Variants in LRRC4C observed in about 807,000 individuals in gnomAD.
LRRC4C encodes the protein leucine-rich repeat-containing protein 4C.
In LRRC4C, 5 loss-of-function variants were observed where a neutral mutation model predicts 33.6. That is an observed-to-expected ratio of 0.15 (90% CI 0.08 to 0.31). The LOEUF is 0.31. LRRC4C is among the 10% of genes least tolerant of loss of function. The pLI, the probability that LRRC4C is intolerant of heterozygous loss-of-function variation, is 1.00. For synonymous variants in LRRC4C, 329 were observed against 302.0 expected (o/e 1.09, Z -0.93); for missense variants, 560 against 796.7 (o/e 0.70, Z 3.58).
At chr11:41,091,350 C>A (rs1940403625) in intron 1 of LRRC4C, among the ~76,000 whole-genome samples, 1 of 151,922 alleles carries the variant, frequency 6.6e-6, no homozygotes, top group African/African-American at 2.4e-5. Flanking sequence ...TAAGAAGAAT[C>A]ACCTTTAGGT....
At chr11:40,809,736 C>G (rs1951406702) in intron 2 of LRRC4C, among the ~76,000 whole-genome samples, 1 of 152,156 alleles carries the variant, frequency 6.6e-6, no homozygotes, top group Non-Finnish European at 1.5e-5. Context: ...AATTTATTGT[C>G]TCTATATTGC....
intron 4 of LRRC4C, among the ~76,000 whole-genome samples, chr11:40,284,253 A>C (rs1943683726): frequency 6.6e-6 from 1 of 152,186 alleles, no homozygotes; most frequent in Admixed American, 6.5e-5. Flanking sequence ...CTAGGCTGGC[A>C]TGTCCCCAGA....
chr11:41,405,782 G>A (rs920119886), intron 1 of LRRC4C, among the ~76,000 whole-genome samples: 1 of 152,138 alleles, frequency 6.6e-6, no homozygotes, highest in South Asian at 2.1e-4. Context: ...GATGCTTTAA[G>A]TTATTGTATT....
intron 1 of LRRC4C, among the ~76,000 whole-genome samples, chr11:41,350,634 A>G (rs946661761): frequency 6.6e-6 from 1 of 152,148 alleles, no homozygotes; most frequent in African/African-American, 2.4e-5. Flanking sequence ...TCTTAACCAG[A>G]CTGAAATGGT....
At chr11:40,153,258 G>T (rs1858375854) in intron 5 of LRRC4C, among the ~76,000 whole-genome samples, 1 of 152,096 alleles carries the variant, frequency 6.6e-6, no homozygotes, top group African/African-American at 2.4e-5. Flanking sequence ...TATATCAAGG[G>T]AACACCCCAT....
chr11:40,727,631 G>A (rs1250991727), intron 2 of LRRC4C, among the ~76,000 whole-genome samples: 3 of 152,072 alleles, frequency 2.0e-5, no homozygotes, highest in Non-Finnish European at 4.4e-5. Flanking sequence ...TATAAAATGG[G>A]AGGATATATT....
chr11:40,205,025 G>A (rs866173423), intron 5 of LRRC4C, among the ~76,000 whole-genome samples: 3 of 152,166 alleles, frequency 2.0e-5, no homozygotes, highest in Admixed American at 6.5e-5. Flanking sequence ...CTACCCTTGG[G>A]GTCTGTATAG....
At chr11:40,787,262 G>C (rs572322886) in intron 2 of LRRC4C, among the ~76,000 whole-genome samples, 2 of 116,528 alleles carry the variant, frequency 1.7e-5, no homozygotes, top group South Asian at 2.3e-4. Context: ...ATTGCCAACT[G>C]GGGGGGGTAG....
intron 3 of LRRC4C, among the ~76,000 whole-genome samples, chr11:40,528,203 T>A (rs549832500): frequency 3.9e-5 from 6 of 152,080 alleles, no homozygotes; most frequent in African/African-American, 1.4e-4. Context: ...ACTAAAAAGC[T>A]CTGCACAGTA....
At chr11:40,967,624 G>A (rs1851453858) in intron 1 of LRRC4C, among the ~76,000 whole-genome samples, 2 of 151,808 alleles carry the variant, frequency 1.3e-5, no homozygotes, top group Non-Finnish European at 2.9e-5. Flanking sequence ...TATGGTCAGT[G>A]ATTTCTGATG....
At chr11:40,448,187 A>G (rs897862927) in intron 3 of LRRC4C, among the ~76,000 whole-genome samples, 1 of 152,192 alleles carries the variant, frequency 6.6e-6, no homozygotes, top group South Asian at 2.1e-4. Flanking sequence ...ATGCCTCTAG[A>G]TAAATTCATG....
chr11:41,219,569 G>A (rs577625468), intron 1 of LRRC4C, among the ~76,000 whole-genome samples: 3 of 152,136 alleles, frequency 2.0e-5, no homozygotes, highest in Non-Finnish European at 4.4e-5. Flanking sequence ...ATTTTCTATC[G>A]CCTGAAGGAA....
rs528220821 is a variant in LRRC4C at position 40,519,417 on chromosome 11, C to G, written c.-270+128725G>C. ...AAGTATAAGTTTAAATAAACTTTAC[C>G]AAAGACACAATGATTTCTTCTTAGG... On this transcript the variant is annotated intron_variant, in intron 3 of 6. Coordinates refer to ENST00000528697, the MANE Select transcript of LRRC4C (RefSeq NM_001258419.2). 3.3e-5 allele frequency among the ~76,000 whole-genome samples: 5 copies of G among 151,976 alleles called. No individual in the cohort carries two copies. In the South Asian group the frequency reaches 1.0e-3, roughly 32 times the overall value.
At chr11:41,262,416 A>AT (rs1231358102) in intron 1 of LRRC4C, among the ~76,000 whole-genome samples, 1 of 151,272 alleles carries the variant, frequency 6.6e-6, no homozygotes, top group African/African-American at 2.4e-5. Context: ...TTAAAAAAAA[A>AT]AAAAATAGAA....
chr11:41,364,428 A>G (rs1952463103), intron 1 of LRRC4C, among the ~76,000 whole-genome samples: 1 of 152,030 alleles, frequency 6.6e-6, no homozygotes, highest in Non-Finnish European at 1.5e-5. Context: ...ATAGGCACGC[A>G]CCACCACGCC....
chr11:40,357,750 C>T (rs1008942251), intron 3 of LRRC4C, among the ~76,000 whole-genome samples: 1 of 152,090 alleles, frequency 6.6e-6, no homozygotes, highest in African/African-American at 2.4e-5. Context: ...GCCTGCCCAT[C>T]CAGTTCTACA....
At chr11:41,447,603 T>C (rs1319663848) in intron 1 of LRRC4C, among the ~76,000 whole-genome samples, 3 of 152,148 alleles carry the variant, frequency 2.0e-5, no homozygotes, top group African/African-American at 7.2e-5. Context: ...ACTTAGTAGG[T>C]AAAAGTACCG....
chr11:40,619,190 A>G (rs181157934), intron 3 of LRRC4C, among the ~76,000 whole-genome samples: 14 of 151,894 alleles, frequency 9.2e-5, no homozygotes, highest in African/African-American at 3.4e-4. Flanking sequence ...ACAAAAATAT[A>G]AAGAATGAAT....
At chr11:41,089,676 A>C (rs540923278) in intron 1 of LRRC4C, among the ~76,000 whole-genome samples, 10 of 152,172 alleles carry the variant, frequency 6.6e-5, no homozygotes, top group Admixed American at 3.3e-4. Flanking sequence ...ACAGAGTTGA[A>C]TATCTCCCAG....
Sources: gnomAD v4.1 joint callset for allele counts (sites outside exome capture counted in the v4.1 genomes callset) on GRCh38, gnomAD v4.1.1 for gene constraint, MANE v1.5 for transcripts, NCBI Gene and HGNC (gene_info 2026-07-23, HGNC 2026-07-21) for gene names.